DAZAP1: variants seen among roughly 807,000 people sequenced by gnomAD.
The protein encoded by DAZAP1 is DAZ associated protein 1, also known as DAZ-associated protein 1.
Under a neutral mutation model 60.1 loss-of-function variants are expected in DAZAP1, and 6 were observed. The observed-to-expected ratio is 0.10, with a 90% CI of 0.05 to 0.20. The LOEUF is 0.20. DAZAP1 is among the 10% of genes least tolerant of loss of function. DAZAP1 has a pLI of 1.00. For synonymous variants in DAZAP1, 235 were observed against 215.9 expected, an observed-to-expected ratio of 1.09 and a Z score of -0.78; for missense variants, 366 against 560.4, an observed-to-expected ratio of 0.65 and a Z score of 3.50.
In DAZAP1 at chr19:1,434,566, C is replaced by T; in HGVS notation, c.1049-171C>T. 1.7e-6 allele frequency: 1 copy of T among 605,610 alleles called. No homozygotes were observed. Among genetic ancestry groups the T allele is most frequent in the Non-Finnish European group, 2.9e-6 (1 of 345,660 alleles). 37.5% of individuals were successfully genotyped at this position (605,610 alleles called of 1,614,324 possible). A position where few individuals can be genotyped will look rare whatever the true frequency, so the allele number is the denominator to read the frequency against. On this transcript the variant is annotated intron_variant, in intron 11 of 11. Coordinates refer to ENST00000233078, the MANE Select transcript of DAZAP1 (RefSeq NM_018959.4). This position sits in a 1 kb window ranked among gnomAD's most constrained non-coding sequence, Gnocchi z 8.0. ...ACATGTTTTTGAGGGAGAGAACATG[C>T]CCGGGGTCCTCTCCCCGGCCCAGGT...
At chr19:1,431,509 A>G (rs2144925143) in intron 10 of DAZAP1, among the ~76,000 whole-genome samples, 1 of 151,612 alleles carries the variant, frequency 6.6e-6, no homozygotes, top group East Asian at 1.9e-4. Context: ...GGCTCACTAC[A>G]ACCTCTGCCT....
At chr19:1,421,047 ACT>A (rs72458772) in intron 4 of DAZAP1, 99 bp from the exon 5 acceptor site, 53,672 of 993,148 alleles carry the variant, frequency 0.054, 1,717 homozygotes, top group South Asian at 0.093. Context: ...CTTTCAGCTG[ACT>A]CTTTAAACCA....
At position 1,407,765 on chromosome 19, in the gene DAZAP1, G is replaced by A; in HGVS notation, c.-9G>A. The A allele has an allele frequency of 9.2e-7, 1 of 1,091,726 alleles. No homozygotes were observed. Among genetic ancestry groups the A allele is most frequent in the Non-Finnish European group, 1.1e-6 (1 of 899,422 alleles). 67.6% of individuals were successfully genotyped at this position (1,091,726 alleles called of 1,614,324 possible). A position where few individuals can be genotyped will look rare whatever the true frequency, so the allele number is the denominator to read the frequency against. ...CCCGGGAGCGCCGAGCGTCGCCGCC[G>A]CCGCCGCCATGAACAACTCGGGCGC... On this transcript the variant is annotated 5_prime_UTR_variant, in exon 1 of 12. Coordinates refer to ENST00000233078, the MANE Select transcript of DAZAP1 (RefSeq NM_018959.4).
chr19:1,430,646 G>C (rs1421427050), intron 10 of DAZAP1, among the ~76,000 whole-genome samples: 2 of 152,134 alleles, frequency 1.3e-5, no homozygotes, highest in African/African-American at 2.4e-5. Context: ...TCAGGAGACA[G>C]AGCCTGGACT....
rs147560834 is a variant in DAZAP1, at chr19:1,412,577, G to A, written c.29+4775G>A. On this transcript the variant is annotated intron_variant, in intron 1 of 11. Coordinates refer to ENST00000233078, the MANE Select transcript of DAZAP1 (RefSeq NM_018959.4). ...TTGAGGCTGCTGGCCCCGAATGGCC[G>A]GGCTGGCCGCCGGTTTTTGAAGCCC... Among the ~76,000 whole-genome samples the A allele has an allele frequency of 5.9e-3, 900 of 152,338 alleles. 3 individuals are homozygous for A. Among genetic ancestry groups the A allele is most frequent in the Non-Finnish European group, 9.0e-3 (612 of 68,026 alleles).
In DAZAP1 at chr19:1,425,543, C is replaced by T. The variant is rs2083286217; in HGVS notation, c.464-335C>T. On this transcript the variant is annotated intron_variant, in intron 6 of 11. Transcript: ENST00000233078. The surrounding 1 kb of genome is among the most constrained non-coding windows in gnomAD (Gnocchi z 5.4). ...AGTAGCGATGGAGGCCCTCACCGTT[C>T]CCCTGTCTCCGCTGCTGTTTTATAA... Among the ~76,000 whole-genome samples, 1 of 152,230 alleles carries T rather than the reference C, an allele frequency of 6.6e-6. No individual in the cohort carries two copies. Among genetic ancestry groups the T allele is most frequent in the Non-Finnish European group, 1.5e-5 (1 of 68,032 alleles).
At chr19:1,429,863 CCGGGGTTGGTCCCAGCCCTTGACGT>C in intron 8 of DAZAP1, 79 bp from the exon 9 acceptor site, 1 of 1,420,958 alleles carries the variant, frequency 7.0e-7, no homozygotes, top group Non-Finnish European at 9.7e-7. Context: ...ACAGGAGGCT[CCGGGGTTGGTCCCAGCCCTTGACGT>C]CCATGCTCTG....
Position 1,432,499 on chromosome 19 carries a change from C to T in DAZAP1, c.872-15C>T. Reference sequence around the variant, plus strand: ...CACAACGTGTCTTGTGCCTTGCCCTCTTGTACCTCTGCAGGTTTTGGCTAC... The same window carrying T: ...CACAACGTGTCTTGTGCCTTGCCCTTTTGTACCTCTGCAGGTTTTGGCTAC... On this transcript the variant is annotated splice_polypyrimidine_tract_variant and intron_variant, in intron 10 of 11. Coordinates refer to ENST00000233078, the MANE Select transcript of DAZAP1 (RefSeq NM_018959.4). The surrounding 1 kb of genome is among the most constrained non-coding windows in gnomAD (Gnocchi z 4.9). The T allele has an allele frequency of 1.9e-6, 3 of 1,613,684 alleles. No homozygotes were observed. The highest frequency in any genetic ancestry group is 2.5e-6 in the Non-Finnish European group (3 of 1,179,944).
At chr19:1,412,154 C>G (rs772740320) in intron 1 of DAZAP1, among the ~76,000 whole-genome samples, 2 of 152,152 alleles carry the variant, frequency 1.3e-5, no homozygotes, top group African/African-American at 2.4e-5. Context: ...GCAGCGCGTT[C>G]CAGTTCACGG....
At chr19:1,413,455 A>G (rs903891558) in intron 1 of DAZAP1, among the ~76,000 whole-genome samples, 1 of 152,170 alleles carries the variant, frequency 6.6e-6, no homozygotes, top group African/African-American at 2.4e-5. Flanking sequence ...AGAAGTAGGG[A>G]CTTTGTGCCA....
Position 1,425,465 on chromosome 19 carries a change from A to G in DAZAP1, c.464-413A>G, listed in dbSNP as rs1383770095. Among the ~76,000 whole-genome samples, 3 of 152,240 alleles carry G rather than the reference A, an allele frequency of 2.0e-5. No individual in the cohort carries two copies. Among genetic ancestry groups the G allele is most frequent in the Admixed American group, 6.5e-5 (1 of 15,294 alleles). On this transcript the variant is annotated intron_variant, in intron 6 of 11. Coordinates refer to ENST00000233078, the MANE Select transcript of DAZAP1 (RefSeq NM_018959.4). The surrounding 1 kb of genome is among the most constrained non-coding windows in gnomAD (Gnocchi z 5.4). ...GGCAATCTCCCCACAGGCGAGAGCC[A>G]GAATATTCAAGCACGGGCCTCTGAC...
In DAZAP1 at chr19:1,423,381, C is replaced by G. The variant is rs1055144125; in HGVS notation, c.463+985C>G. On this transcript the variant is annotated intron_variant, in intron 6 of 11. Transcript: ENST00000233078. This position sits in a 1 kb window ranked among gnomAD's most constrained non-coding sequence, Gnocchi z 6.8. The stretch of plus-strand genomic sequence containing the variant: ...TGTTAAGTAAGCTGTTTTTCCTTTT[C>G]TCTCTGTGAATTGTGTGTGATTAAC... Among the ~76,000 whole-genome samples, 3 of 152,228 alleles carry G rather than the reference C, an allele frequency of 2.0e-5. No homozygotes were observed. Among genetic ancestry groups the G allele is most frequent in the Non-Finnish European group, 4.4e-5 (3 of 68,026 alleles).
chr19:1,420,911 C>T (rs1363111854), intron 4 of DAZAP1, among the ~76,000 whole-genome samples: 1 of 152,212 alleles, frequency 6.6e-6, no homozygotes, highest in Non-Finnish European at 1.5e-5. Context: ...GTCCGTTTAG[C>T]TGAAATGTAG....
At chr19:1,424,485 C>T (rs888317137) in intron 6 of DAZAP1, among the ~76,000 whole-genome samples, 1 of 151,582 alleles carries the variant, frequency 6.6e-6, no homozygotes, top group Non-Finnish European at 1.5e-5. Flanking sequence ...GTCTGAGCTG[C>T]CCTTTCTGCC....
Position 1,434,662 on chromosome 19 carries a change from G to A in DAZAP1, c.1049-75G>A. The A allele has an allele frequency of 6.5e-7, 1 of 1,537,764 alleles. No homozygotes were observed. Among genetic ancestry groups the A allele is most frequent in the Non-Finnish European group, 8.9e-7 (1 of 1,121,954 alleles). ...CTCAAGGCAGGCTCGGCGGAGCTGT[G>A]TCCAGGTGGCCTCGCTCGACGGCAG... On this transcript the variant is annotated intron_variant, in intron 11 of 11. Coordinates refer to ENST00000233078, the MANE Select transcript of DAZAP1 (RefSeq NM_018959.4). The surrounding 1 kb of genome is among the most constrained non-coding windows in gnomAD (Gnocchi z 8.0).
intron 8 of DAZAP1, 36 bp from the exon 9 acceptor site, chr19:1,429,931 C>CA: frequency 6.4e-7 from 1 of 1,556,152 alleles, no homozygotes; most frequent in South Asian, 1.2e-5. Context: ...AGCTGGTGGA[C>CA]ACGGCGCCAA....
At chr19:1,408,554 AGGTC>A (rs1181062746) in intron 1 of DAZAP1, among the ~76,000 whole-genome samples, 5 of 151,128 alleles carry the variant, frequency 3.3e-5, no homozygotes, top group Admixed American at 6.6e-5. Flanking sequence ...CAAAGTGGTA[AGGTC>A]GGGAGGGGTT....
chr19:1,434,014 C>T lies in DAZAP1; in HGVS notation c.1049-723C>T, dbSNP rs895440137. The T allele has an allele frequency of 9.9e-6, 6 of 603,982 alleles. No homozygotes were observed. Among genetic ancestry groups the T allele is most frequent in the African/African-American group, 5.6e-5 (3 of 53,792 alleles). The allele number at this position is 603,982 out of a possible 1,614,324, so 37.4% of individuals were successfully genotyped here. On this transcript the variant is annotated intron_variant, in intron 11 of 11. Coordinates refer to ENST00000233078, the MANE Select transcript of DAZAP1 (RefSeq NM_018959.4). The surrounding 1 kb of genome is among the most constrained non-coding windows in gnomAD (Gnocchi z 8.0). Reference sequence around the variant, plus strand: ...GGATCCCCCAGAGAGAGCCCACGCCCACCTGTGCCCACGTGCACCCGAATG... The same window carrying T: ...GGATCCCCCAGAGAGAGCCCACGCCTACCTGTGCCCACGTGCACCCGAATG...
Position 1,432,562 on chromosome 19 carries a change from C to T in DAZAP1, c.920C>T (p.Pro307Leu). 2 of 1,613,618 alleles carry T rather than the reference C, an allele frequency of 1.2e-6. No homozygotes were observed. Among genetic ancestry groups the T allele is most frequent in the Non-Finnish European group, 1.7e-6 (2 of 1,179,992 alleles). The change falls in exon 11 of 12, where the codon CCG (proline) becomes CTG (leucine). Residue 307 changes from proline (P) to leucine (L), a missense_variant. Pro to Leu is a moderately conservative substitution (Grantham distance 98, BLOSUM62 -3). Around this residue, in one of 3 missense-constraint regions of DAZAP1, gnomAD observed 240 missense variants for 308.8 expected, o/e 0.78. Coordinates refer to ENST00000233078, the MANE Select transcript of DAZAP1 (RefSeq NM_018959.4). The surrounding 1 kb of genome is among the most constrained non-coding windows in gnomAD (Gnocchi z 4.9). Reference sequence around the variant, plus strand: ...CCACCGCCAGATCAGTTTGCCCCTCCGGGGGTTCCTCCTCCACCAGCCACT... The same window carrying T: ...CCACCGCCAGATCAGTTTGCCCCTCTGGGGGTTCCTCCTCCACCAGCCACT... Reference protein sequence around the residue: ...PPPPPDQFAPPGVPPPPATPG... With the variant: ...PPPPPDQFAPLGVPPPPATPG...
Sources: gnomAD v4.1 joint callset for allele counts (sites outside exome capture counted in the v4.1 genomes callset) on GRCh38, gnomAD v4.1.1 for gene constraint, gnomAD v4.1.1 regional missense constraint, Gnocchi (gnomAD v3.1) non-coding constraint, MANE v1.5 for transcripts, NCBI Gene and HGNC (gene_info 2026-07-23, HGNC 2026-07-21) for gene names.